Variants in GRK4 observed in about 807,000 individuals in gnomAD.
GRK4 encodes the protein G protein-coupled receptor kinase 2-like.
GRK4 carries 73 observed loss-of-function variants against 77.9 expected under a neutral mutation model. The ratio of observed to expected loss-of-function variants is 0.94; its 90% CI spans 0.78 to 1.14. The LOEUF (loss-of-function observed/expected upper bound fraction) is 1.14. GRK4 is among the 50% of genes most tolerant of loss of function. The probability of loss-of-function intolerance (pLI) is 0.00; values close to 1 mark genes in which losing one functional copy is unlikely to be tolerated. For synonymous variants in GRK4, 257 were observed against 254.4 expected (o/e 1.01, Z -0.10); for missense variants, 729 against 700.2 (o/e 1.04, Z -0.46).
Position 3,018,074 on chromosome 4 carries a change from C to CTT in GRK4, c.742-1554_742-1553dup, listed in dbSNP as rs1259774426. 2.3e-5 allele frequency among the ~76,000 whole-genome samples: 3 copies of CTT among 131,760 alleles called. No homozygotes were observed. In the East Asian group the frequency reaches 6.3e-4, roughly 27 times the overall value. 86.4% of individuals were successfully genotyped at this position (131,760 alleles called of 152,430 possible). ...TCATTTTCTTTTTCTTTTTCTTTTT[C>CTT]TTTTTTTTTTTTTTAGATAGAGATG... is the stretch of plus-strand genomic sequence containing the variant. On this transcript the variant is annotated intron_variant, in intron 8 of 15. Transcript: ENST00000398052.
intron 1 of GRK4, among the ~76,000 whole-genome samples, chr4:2,977,103 T>A (rs1577990337): frequency 1.3e-5 from 2 of 152,180 alleles, no homozygotes; most frequent in Admixed American, 1.3e-4. Flanking sequence ...TTCCACTGTT[T>A]GGGGGTCCAG....
chr4:3,001,041 C>T (rs1046165552), intron 4 of GRK4, among the ~76,000 whole-genome samples: 4 of 143,454 alleles, frequency 2.8e-5, no homozygotes, highest in Non-Finnish European at 4.5e-5. Flanking sequence ...TCTCCTCATC[C>T]ATCAGGGTGG....
Position 3,019,689 on chromosome 4 carries a change from C to G in GRK4, c.790C>G (p.Leu264Val). 6.2e-7 allele frequency: 1 copy of G among 1,614,188 alleles called. No individual in the cohort carries two copies. The highest frequency in any genetic ancestry group is 8.5e-7 in the Non-Finnish European group (1 of 1,180,030). Residue 264 changes from leucine to valine, a missense_variant, in exon 9 of 16, where the codon CTC becomes GTC. Coordinates refer to ENST00000398052, the MANE Select transcript of GRK4 (RefSeq NM_182982.3). ...AACCAAAGATGCCTTGTGCTTGGTG[C>G]TCACCATTATGAATGGAGGGGATTT... ...YETKDALCLVLTIMNGGDLKF... is the reference protein window; with the variant it reads ...YETKDALCLVVTIMNGGDLKF...
At chr4:2,998,564 G>A (rs796877445) in intron 4 of GRK4, among the ~76,000 whole-genome samples, 11 of 151,524 alleles carry the variant, frequency 7.3e-5, no homozygotes, top group African/African-American at 2.4e-4. Context: ...CTATATATTA[G>A]CAATTAAAAT....
At chr4:2,997,535 T>TAG (rs368249669) in intron 4 of GRK4, among the ~76,000 whole-genome samples, 1 of 151,716 alleles carries the variant, frequency 6.6e-6, no homozygotes, top group South Asian at 2.1e-4. Context: ...CACTTGATAA[T>TAG]AGAGAGAGAG....
rs996451838 is a variant in GRK4, at chr4:3,014,522, G to T, written c.741+694G>T. ...AGAGATGAGATCTCTGGCCAGGCGC[G>T]GTGGCTCACACCTGTAATCCCACCA... On this transcript the variant is annotated intron_variant, in intron 8 of 15. Transcript: ENST00000398052. Among the ~76,000 whole-genome samples, 127 of 151,618 alleles carry T rather than the reference G, an allele frequency of 8.4e-4. 2 individuals carry two copies. Among genetic ancestry groups the T allele is most frequent in the African/African-American group, 2.9e-3 (119 of 41,320 alleles).
intron 7 of GRK4, among the ~76,000 whole-genome samples, chr4:3,010,210 G>C (rs1195666019): frequency 6.6e-6 from 1 of 151,444 alleles, no homozygotes; most frequent in Non-Finnish European, 1.5e-5. Flanking sequence ...CACGAGGGGT[G>C]TTTTTTTTGT....
intron 1 of GRK4, among the ~76,000 whole-genome samples, chr4:2,967,429 C>G (rs528512335): frequency 6.6e-6 from 1 of 152,330 alleles, no homozygotes; most frequent in African/African-American, 2.4e-5. Flanking sequence ...GAGACAGAGT[C>G]TCACTCTGTC....
At chr4:2,993,449 A>C (rs1006171316) in intron 4 of GRK4, among the ~76,000 whole-genome samples, 1 of 152,140 alleles carries the variant, frequency 6.6e-6, no homozygotes, top group African/African-American at 2.4e-5. Context: ...TGAGGCGGGT[A>C]GATCACTTGA....
At chr4:3,016,109 T>C (rs1243561096) in intron 8 of GRK4, among the ~76,000 whole-genome samples, 3 of 150,588 alleles carry the variant, frequency 2.0e-5, no homozygotes, top group African/African-American at 7.3e-5. Context: ...AGGGTTTCAC[T>C]TTGTTGGCCA....
At chr4:2,988,991 T>C in intron 3 of GRK4, 152 bp downstream of exon 3, 1 of 565,854 alleles carries the variant, frequency 1.8e-6, no homozygotes, top group South Asian at 1.9e-5. Flanking sequence ...GAGACCATCC[T>C]GACCAACACA....
chr4:2,965,782 T>C (rs942825934), intron 1 of GRK4: 12 of 335,822 alleles, frequency 3.6e-5, no homozygotes, highest in Non-Finnish European at 5.7e-5. Context: ...ATGGGATCTT[T>C]TTCCCTTAAG....
chr4:2,979,436 G>A (rs1170167897), intron 1 of GRK4, among the ~76,000 whole-genome samples: 1 of 146,784 alleles, frequency 6.8e-6, no homozygotes, highest in Non-Finnish European at 1.5e-5. Flanking sequence ...AGAGTGGCCA[G>A]GCACGGTGGC....
At chr4:2,975,532 G>C (rs1018365535) in intron 1 of GRK4, among the ~76,000 whole-genome samples, 2 of 152,126 alleles carry the variant, frequency 1.3e-5, no homozygotes, top group East Asian at 3.9e-4. Flanking sequence ...GTGCGGGTGG[G>C]GAACATTCCT....
chr4:2,987,746 G>C (rs892397634), intron 2 of GRK4, among the ~76,000 whole-genome samples: 2 of 152,102 alleles, frequency 1.3e-5, no homozygotes, highest in African/African-American at 4.8e-5. Flanking sequence ...TTCGAGACTA[G>C]CCTGGCCAAC....
chr4:3,035,651 T>A, intron 13 of GRK4, 128 bp downstream of exon 13: 4 of 1,011,018 alleles, frequency 4.0e-6, no homozygotes, highest in Non-Finnish European at 5.7e-6. Flanking sequence ...CTTGCACTCC[T>A]GGCCTCAAGT....
intron 1 of GRK4, among the ~76,000 whole-genome samples, chr4:2,967,269 T>A (rs1253088112): frequency 1.3e-5 from 2 of 152,242 alleles, no homozygotes; most frequent in East Asian, 3.8e-4. Context: ...ACTAAGATGG[T>A]CTAAACAGAA....
At chr4:2,990,625 C>G (rs897902489) in intron 3 of GRK4, among the ~76,000 whole-genome samples, 1 of 152,116 alleles carries the variant, frequency 6.6e-6, no homozygotes, top group Non-Finnish European at 1.5e-5. Context: ...GGATGGAACC[C>G]TGGGTGTAAG....
intron 14 of GRK4, among the ~76,000 whole-genome samples, chr4:3,037,873 C>G (rs1741230497): frequency 6.6e-6 from 1 of 151,562 alleles, no homozygotes; most frequent in African/African-American, 2.4e-5. Context: ...TGAGATTGCG[C>G]CACTGTACTC....
Sources: allele counts gnomAD v4.1 joint callset (sites outside exome capture counted in the v4.1 genomes callset), GRCh38; gene constraint gnomAD v4.1.1; transcripts MANE v1.5; gene names NCBI Gene and HGNC (gene_info 2026-07-23, HGNC 2026-07-21).